The following PPFIA2 variants were observed in gnomAD, a reference collection of about 807,000 sequenced individuals.
The protein encoded by PPFIA2 is liprin-alpha-2.
A neutral mutation model predicts 175.5 loss-of-function variants in PPFIA2; 46 were observed. The observed-to-expected ratio is 0.26, with a 90% CI of 0.21 to 0.34. The LOEUF (loss-of-function observed/expected upper bound fraction) is 0.34. PPFIA2 is among the 10% of genes least tolerant of loss of function. PPFIA2 has a pLI of 1.00. For missense variants in PPFIA2, 1,179 were observed against 1,506.1 expected, an observed-to-expected ratio of 0.78 and a Z score of 3.60; for synonymous variants, 568 against 511.4, an observed-to-expected ratio of 1.11 and a Z score of -1.49.
intron 4 of PPFIA2, among the ~76,000 whole-genome samples, chr12:81,550,258 A>T (rs1440904526): frequency 6.6e-6 from 1 of 152,018 alleles, no homozygotes; most frequent in East Asian, 1.9e-4. Context: ...TCTGGGGATT[A>T]GAGGTCTAGG....
At chr12:81,732,714 T>C (rs1038816330) in intron 3 of PPFIA2, among the ~76,000 whole-genome samples, 3 of 151,630 alleles carry the variant, frequency 2.0e-5, no homozygotes, top group African/African-American at 7.2e-5. Context: ...CATGATATGT[T>C]AAGTGAAAAT....
intron 30 of PPFIA2, among the ~76,000 whole-genome samples, chr12:81,264,746 A>G (rs951844802): frequency 2.4e-4 from 36 of 152,274 alleles, no homozygotes; most frequent in African/African-American, 8.4e-4. Flanking sequence ...ATTTTGTTTC[A>G]GTGTGGTAGC....
At chr12:81,716,593 G>A (rs886198555) in intron 3 of PPFIA2, among the ~76,000 whole-genome samples, 11 of 150,728 alleles carry the variant, frequency 7.3e-5, no homozygotes, top group South Asian at 2.1e-4. Context: ...CACATAGGGC[G>A]TTCTCTTCAC....
chr12:81,460,123 T>G (rs1266486071), intron 4 of PPFIA2, among the ~76,000 whole-genome samples: 1 of 152,122 alleles, frequency 6.6e-6, no homozygotes, highest in South Asian at 2.1e-4. Flanking sequence ...TTTGGCTCTC[T>G]GTCCCCACCC....
intron 4 of PPFIA2, among the ~76,000 whole-genome samples, chr12:81,599,956 TATTA>T (rs920892605): frequency 1.3e-5 from 2 of 151,982 alleles, no homozygotes; most frequent in African/African-American, 4.8e-5. Context: ...AATCACATCA[TATTA>T]GTGGTACATG....
chr12:81,325,687 TG>T, intron 22 of PPFIA2, 89 bp downstream of exon 22: 1 of 953,954 alleles, frequency 1.0e-6, no homozygotes, highest in Non-Finnish European at 1.6e-6. Flanking sequence ...ATAGTTCTTT[TG>T]TTTCCAACCA....
chr12:81,407,439 C>T (rs1457423976), intron 7 of PPFIA2, among the ~76,000 whole-genome samples: 1 of 151,108 alleles, frequency 6.6e-6, no homozygotes, highest in Non-Finnish European at 1.5e-5. Context: ...GCTGAGATTG[C>T]GCGACTGCAC....
At chr12:81,534,398 T>C (rs1359272661) in intron 4 of PPFIA2, among the ~76,000 whole-genome samples, 1 of 151,690 alleles carries the variant, frequency 6.6e-6, no homozygotes, top group Non-Finnish European at 1.5e-5. Flanking sequence ...CTAAATGCCC[T>C]GATTTTATTA....
intron 4 of PPFIA2, among the ~76,000 whole-genome samples, chr12:81,654,806 C>A (rs969056126): frequency 6.6e-6 from 1 of 152,032 alleles, no homozygotes; most frequent in African/African-American, 2.4e-5. Context: ...TGTTACGCAG[C>A]AATAGAAAAT....
chr12:81,366,989 G>T, intron 14 of PPFIA2, 119 bp downstream of exon 14: 1 of 1,135,718 alleles, frequency 8.8e-7, no homozygotes, highest in East Asian at 3.1e-5. Context: ...AGTTAAAATT[G>T]TTTTACAAAG....
intron 8 of PPFIA2, among the ~76,000 whole-genome samples, chr12:81,389,998 C>T (rs1033138345): frequency 4.6e-5 from 7 of 152,000 alleles, no homozygotes; most frequent in Non-Finnish European, 5.9e-5. Context: ...CATACAGATT[C>T]GCAGTTCTGG....
intron 7 of PPFIA2, among the ~76,000 whole-genome samples, chr12:81,410,086 A>G (rs1189666241): frequency 6.6e-6 from 1 of 152,106 alleles, no homozygotes; most frequent in Non-Finnish European, 1.5e-5. Context: ...CTGCCATGTG[A>G]GGACGCATTG....
rs550542927 is a variant in PPFIA2, at chr12:81,450,776, A to G, written c.406-5056T>C. ...TAGGGTTTTTATGGTTTTAGGTCTAACATTTAAGTCTTTAATCCATCTTGA... is the reference window on the plus strand; with the variant it reads ...TAGGGTTTTTATGGTTTTAGGTCTAGCATTTAAGTCTTTAATCCATCTTGA... On this transcript the variant is annotated intron_variant, in intron 5 of 32. Coordinates refer to ENST00000549396, the MANE Select transcript of PPFIA2 (RefSeq NM_003625.5). Among the ~76,000 whole-genome samples the G allele has an allele frequency of 7.9e-5, 12 of 152,258 alleles. No individual in the cohort carries two copies. In the South Asian group the frequency reaches 2.5e-3, roughly 32 times the overall value.
At position 81,375,987 on chromosome 12, in the gene PPFIA2, T is replaced by G. The variant is rs1595784315; in HGVS notation, c.985-45A>C. On this transcript the variant is annotated intron_variant, in intron 9 of 32. Coordinates refer to ENST00000549396, the MANE Select transcript of PPFIA2 (RefSeq NM_003625.5). ...GAAAAAGCAAATCAGATTCTCAGAT[T>G]GTTTAATTATTGTCTTGTTAGTTAA... is the stretch of plus-strand genomic sequence containing the variant. 6 of 1,519,254 alleles carry G rather than the reference T, an allele frequency of 3.9e-6. No homozygotes were observed. In the East Asian group the frequency reaches 1.4e-4, roughly 34 times the overall value. The allele number at this position is 1,519,254 out of a possible 1,614,324, so 94.1% of individuals were successfully genotyped here.
intron 22 of PPFIA2, chr12:81,302,612 G>C (rs921452975): frequency 2.3e-6 from 1 of 431,756 alleles, no homozygotes; most frequent in Admixed American, 2.5e-5. Context: ...TTGAGACTGT[G>C]GAAAAACGGA....
At chr12:81,663,887 C>T (rs1269970058) in intron 4 of PPFIA2, among the ~76,000 whole-genome samples, 1 of 152,098 alleles carries the variant, frequency 6.6e-6, no homozygotes, top group East Asian at 1.9e-4. Flanking sequence ...TAATGCCACA[C>T]ATCTACAACC....
chr12:81,749,660 G>T (rs549081629), intron 3 of PPFIA2, among the ~76,000 whole-genome samples: 1 of 143,828 alleles, frequency 7.0e-6, no homozygotes, highest in African/African-American at 2.4e-5. Flanking sequence ...TCATCTTTTA[G>T]CATTCTGGAT....
intron 4 of PPFIA2, among the ~76,000 whole-genome samples, chr12:81,514,177 C>A (rs527939452): frequency 1.8e-4 from 27 of 151,946 alleles, no homozygotes; most frequent in Middle Eastern, 3.4e-3. Flanking sequence ...AAGTTCCCCC[C>A]CTGAACAAAT....
Position 81,725,816 on chromosome 12 carries a change from C to T in PPFIA2, c.249+28157G>A, listed in dbSNP as rs1271305392. On this transcript the variant is annotated intron_variant, in intron 3 of 32. Transcript: ENST00000549396. ...AGCATAAAGTAAAAAAGAAAAATGA[C>T]AATAGGTAAATAATAGATACCATAA... is the stretch of plus-strand genomic sequence containing the variant. 4.0e-5 allele frequency among the ~76,000 whole-genome samples: 6 copies of T among 150,648 alleles called. 1 individual carries two copies. In the South Asian group the frequency reaches 1.0e-3, roughly 26 times the overall value.
Sources: gnomAD v4.1 joint callset for allele counts (sites outside exome capture counted in the v4.1 genomes callset) on GRCh38, gnomAD v4.1.1 for gene constraint, MANE v1.5 for transcripts, NCBI Gene and HGNC (gene_info 2026-07-23, HGNC 2026-07-21) for gene names.